ERC2: variants seen among roughly 807,000 people sequenced by gnomAD.
ERC2 encodes ELKS/RAB6-interacting/CAST family member 2, also known as ERC protein 2.
In ERC2, 42 loss-of-function variants were observed where a neutral mutation model predicts 114.8. The ratio of observed to expected loss-of-function variants is 0.37; its 90% CI spans 0.29 to 0.47. The LOEUF (loss-of-function observed/expected upper bound fraction) is 0.47, where lower values mean the gene tolerates loss of function less well. ERC2 is among the 20% of genes least tolerant of loss of function. The pLI, the probability that ERC2 is intolerant of heterozygous loss-of-function variation, is 0.99. For missense variants in ERC2, 939 were observed against 1,150.7 expected, an observed-to-expected ratio of 0.82 and a Z score of 2.66; for synonymous variants, 454 against 425.5, an observed-to-expected ratio of 1.07 and a Z score of -0.82.
At chr3:56,194,708 A>G (rs942106127) in intron 3 of ERC2, among the ~76,000 whole-genome samples, 2 of 152,204 alleles carry the variant, frequency 1.3e-5, no homozygotes, top group Admixed American at 1.3e-4. Context: ...CTAAGACATC[A>G]CTAGGGGATA....
intron 13 of ERC2, among the ~76,000 whole-genome samples, chr3:55,917,131 C>T (rs1244315208): frequency 1.3e-5 from 2 of 152,104 alleles, no homozygotes; most frequent in African/African-American, 4.8e-5. Context: ...TCATGAAGGT[C>T]CCCTGTTGTA....
intron 15 of ERC2, among the ~76,000 whole-genome samples, chr3:55,714,665 GTGTATATATA>G (rs1313379598): frequency 1.9e-3 from 70 of 36,644 alleles, no homozygotes; most frequent in Non-Finnish European, 2.5e-3. Context: ...GTGTGTGTGT[GTGTATATATA>G]TATATATATA....
intron 14 of ERC2, among the ~76,000 whole-genome samples, chr3:55,744,975 TA>T (rs552453211): frequency 6.6e-6 from 1 of 152,196 alleles, no homozygotes; most frequent in South Asian, 2.1e-4. Flanking sequence ...CCACCAAAGT[TA>T]AAGATTCAAA....
At chr3:56,199,671 C>T (rs1036613493) in intron 3 of ERC2, among the ~76,000 whole-genome samples, 8 of 151,996 alleles carry the variant, frequency 5.3e-5, no homozygotes, top group Admixed American at 4.6e-4. Context: ...CCACACCTGG[C>T]TAATTCTTTA....
intron 14 of ERC2, among the ~76,000 whole-genome samples, chr3:55,738,546 T>C (rs994712934): frequency 6.6e-6 from 1 of 152,104 alleles, no homozygotes; most frequent in Non-Finnish European, 1.5e-5. Flanking sequence ...CCTTCCATTC[T>C]TCATGCACAG....
chr3:56,413,446 TG>T (rs1414057697), intron 2 of ERC2, among the ~76,000 whole-genome samples: 1 of 152,212 alleles, frequency 6.6e-6, no homozygotes, highest in African/African-American at 2.4e-5. Context: ...TCTTGGGTCC[TG>T]GGAATGGAGG....
chr3:56,257,366 T>C lies in ERC2; in HGVS notation c.1074+38653A>G, dbSNP rs76943451. Among the ~76,000 whole-genome samples the C allele has an allele frequency of 9.1e-3, 1,388 of 152,350 alleles. 17 individuals carry two copies. Among genetic ancestry groups the C allele is most frequent in the African/African-American group, 0.031 (1,272 of 41,578 alleles). ...GTTTATAATACACATTAATGCATCA[T>C]GGTTACAGTCTTCATCAGGGATGGC... On this transcript the variant is annotated intron_variant, in intron 3 of 17. Transcript: ENST00000288221.
intron 17 of ERC2, among the ~76,000 whole-genome samples, chr3:55,642,794 T>C (rs2060242752): frequency 6.6e-6 from 1 of 152,188 alleles, no homozygotes; most frequent in Non-Finnish European, 1.5e-5. Context: ...ACATTGTATA[T>C]GGATTTAGAA....
At chr3:56,431,015 A>G (rs1420316869) in intron 2 of ERC2, among the ~76,000 whole-genome samples, 1 of 152,182 alleles carries the variant, frequency 6.6e-6, no homozygotes, top group Non-Finnish European at 1.5e-5. Flanking sequence ...GTGAACTTGG[A>G]TAAGTTGCTT....
intron 14 of ERC2, among the ~76,000 whole-genome samples, chr3:55,766,056 G>A (rs1031236184): frequency 6.6e-6 from 1 of 152,196 alleles, no homozygotes; most frequent in African/African-American, 2.4e-5. Context: ...CCTGGGCCAA[G>A]TCCCAGGACA....
chr3:56,315,090 C>T (rs946590100), intron 2 of ERC2, among the ~76,000 whole-genome samples: 5 of 152,190 alleles, frequency 3.3e-5, no homozygotes, highest in African/African-American at 9.7e-5. Context: ...ACATTCCTTA[C>T]TCCAGCGGCT....
intron 3 of ERC2, among the ~76,000 whole-genome samples, chr3:56,281,940 G>C (rs2054376020): frequency 6.6e-6 from 1 of 152,234 alleles, no homozygotes; most frequent in South Asian, 2.1e-4. Flanking sequence ...GGTTTGCAAA[G>C]GGTGCATGAA....
At chr3:56,322,726 T>A (rs2057184391) in intron 2 of ERC2, among the ~76,000 whole-genome samples, 1 of 152,156 alleles carries the variant, frequency 6.6e-6, no homozygotes, top group Non-Finnish European at 1.5e-5. Context: ...CGAAGACCAG[T>A]GGTCTCCCTC....
At chr3:55,801,470 G>C (rs1019004062) in intron 14 of ERC2, among the ~76,000 whole-genome samples, 6 of 152,214 alleles carry the variant, frequency 3.9e-5, no homozygotes, top group African/African-American at 1.4e-4. Context: ...AACCAAGAGA[G>C]AGCCAAAGGT....
chr3:56,071,956 T>C (rs2076760087), intron 7 of ERC2: 1 of 152,226 alleles, frequency 6.6e-6, no homozygotes, highest in Non-Finnish European at 1.5e-5. Flanking sequence ...AAGATGTTTT[T>C]TCCTAAACCA....
intron 16 of ERC2, among the ~76,000 whole-genome samples, chr3:55,687,318 T>C (rs892317514): frequency 3.3e-5 from 5 of 151,908 alleles, no homozygotes; most frequent in African/African-American, 9.7e-5. Context: ...AAACCTTTAA[T>C]TGGTCTCTAT....
chr3:56,137,592 C>T (rs767129830), intron 6 of ERC2, among the ~76,000 whole-genome samples: 4 of 152,204 alleles, frequency 2.6e-5, no homozygotes, highest in Non-Finnish European at 5.9e-5. Context: ...GCTGTTGTAG[C>T]ACAAAAGCAG....
intron 7 of ERC2, among the ~76,000 whole-genome samples, chr3:56,052,002 C>A (rs2075794111): frequency 6.6e-6 from 1 of 152,120 alleles, no homozygotes; most frequent in South Asian, 2.1e-4. Flanking sequence ...GTCCTTGTGG[C>A]CCCAGAGAGA....
chr3:56,187,027 T>C (rs754741064), intron 3 of ERC2, among the ~76,000 whole-genome samples: 1 of 152,132 alleles, frequency 6.6e-6, no homozygotes, highest in Admixed American at 6.5e-5. Context: ...AGATGCCATA[T>C]AGAGAAGACA....
Sources: gnomAD v4.1 joint callset for allele counts (sites outside exome capture counted in the v4.1 genomes callset) on GRCh38, gnomAD v4.1.1 for gene constraint, MANE v1.5 for transcripts, NCBI Gene and HGNC (gene_info 2026-07-23, HGNC 2026-07-21) for gene names.